Variants in USP32 observed in about 807,000 individuals in gnomAD.
The protein encoded by USP32 is ubiquitin carboxyl-terminal hydrolase 32.
Under a neutral mutation model 204.8 loss-of-function variants are expected in USP32, and 59 were observed. That is an observed-to-expected ratio of 0.29 (90% CI 0.23 to 0.36). USP32 has a LOEUF of 0.36. USP32 is among the 10% of genes least tolerant of loss of function. The pLI is 1.00. For missense variants in USP32, 1,160 were observed against 1,946.4 expected, an observed-to-expected ratio of 0.60 and a Z score of 7.60; for synonymous variants, 517 against 678.4, an observed-to-expected ratio of 0.76 and a Z score of 3.70.
At chr17:60,263,637 A>C (rs2086511001) in intron 9 of USP32, among the ~76,000 whole-genome samples, 3 of 152,212 alleles carry the variant, frequency 2.0e-5, no homozygotes, top group Admixed American at 1.3e-4. Flanking sequence ...CTTAGAAAAA[A>C]GGTGTTCAAA....
At chr17:60,317,507 C>T (rs1047544277) in intron 2 of USP32, among the ~76,000 whole-genome samples, 11 of 146,686 alleles carry the variant, frequency 7.5e-5, no homozygotes, top group African/African-American at 2.3e-4. Context: ...CAGAGTGAGA[C>T]CCTGTCTAAA....
In USP32 at chr17:60,201,271, T is replaced by C. The variant is rs528708051; in HGVS notation, c.3250-2827A>G. On this transcript the variant is annotated intron_variant, in intron 26 of 33. Transcript: ENST00000300896. Reference sequence around the variant, plus strand: ...ATTCCTGTATAATGTTCCATTATCTTAATATATCTCAGCTTCCCAATCCCT... The same window carrying C: ...ATTCCTGTATAATGTTCCATTATCTCAATATATCTCAGCTTCCCAATCCCT... Among the ~76,000 whole-genome samples the C allele has an allele frequency of 1.2e-3, 188 of 152,314 alleles. 1 individual carries two copies. Among genetic ancestry groups the C allele is most frequent in the African/African-American group, 4.5e-3 (185 of 41,572 alleles).
chr17:60,417,980 C>A (rs534593514), intron 1 of USP32, among the ~76,000 whole-genome samples: 1 of 124,388 alleles, frequency 8.0e-6, no homozygotes, highest in African/African-American at 3.6e-5. Context: ...TTTTTTGAGA[C>A]GGAGTTTCAC....
intron 11 of USP32, among the ~76,000 whole-genome samples, chr17:60,246,813 C>T (rs112269738): frequency 0.044 from 6,746 of 152,094 alleles, 536 homozygotes; most frequent in African/African-American, 0.15. Flanking sequence ...TTTCATATAT[C>T]TGCTGGCCAT....
At chr17:60,410,485 G>A (rs927811286) in intron 1 of USP32, among the ~76,000 whole-genome samples, 20 of 152,078 alleles carry the variant, frequency 1.3e-4, no homozygotes, top group African/African-American at 3.9e-4. Context: ...TGGCTAACAC[G>A]GTGAAACCCT....
At chr17:60,276,305 G>C (rs984223665) in intron 5 of USP32, among the ~76,000 whole-genome samples, 2 of 152,062 alleles carry the variant, frequency 1.3e-5, no homozygotes, top group Non-Finnish European at 2.9e-5. Context: ...CAAATATCCA[G>C]ATAACTGAAT....
At position 60,271,495 on chromosome 17, in the gene USP32, C is replaced by A. The variant is rs925512915; in HGVS notation, c.572-14G>T. ...CTGATTCCTCCACTAAGGGTCAAAT[C>A]AAAAAAGATTATAAAACCTCAGAAT... On this transcript the variant is annotated splice_polypyrimidine_tract_variant and intron_variant, in intron 5 of 33. Coordinates refer to ENST00000300896, the MANE Select transcript of USP32 (RefSeq NM_032582.4). 6 of 1,608,474 alleles carry A rather than the reference C, an allele frequency of 3.7e-6. No individual in the cohort carries two copies. The African/African-American group carries it at 6.7e-5, about 18-fold the overall frequency.
intron 3 of USP32, among the ~76,000 whole-genome samples, chr17:60,299,662 A>T (rs2087524602): frequency 6.6e-6 from 1 of 152,216 alleles, no homozygotes; most frequent in African/African-American, 2.4e-5. Context: ...AGCAAGAATT[A>T]AAAATAATGG....
intron 9 of USP32, 65 bp from the exon 10 acceptor site, chr17:60,255,323 A>C: frequency 8.2e-7 from 1 of 1,214,476 alleles, no homozygotes; most frequent in Non-Finnish European, 1.1e-6. Context: ...TTTGAGACGG[A>C]GTCTCATACT....
intron 11 of USP32, among the ~76,000 whole-genome samples, chr17:60,251,376 G>A (rs2086163615): frequency 6.6e-6 from 1 of 152,134 alleles, no homozygotes; most frequent in African/African-American, 2.4e-5. Context: ...TAATTGGCAT[G>A]TCCTGTTTAA....
intron 6 of USP32, among the ~76,000 whole-genome samples, chr17:60,271,067 C>T (rs937990711): frequency 1.3e-5 from 2 of 152,128 alleles, no homozygotes; most frequent in African/African-American, 4.8e-5. Context: ...TACTAATGCA[C>T]CTTACTGGAA....
intron 1 of USP32, among the ~76,000 whole-genome samples, chr17:60,405,078 T>C (rs980349267): frequency 6.6e-6 from 1 of 152,110 alleles, no homozygotes; most frequent in African/African-American, 2.4e-5. Flanking sequence ...AGCACAAGAA[T>C]TGCCTGAACC....
chr17:60,199,684 C>T (rs2084623649), intron 26 of USP32, among the ~76,000 whole-genome samples: 1 of 152,180 alleles, frequency 6.6e-6, no homozygotes, highest in Admixed American at 6.5e-5. Context: ...AGCTTAAATA[C>T]ATAATTTTAA....
At chr17:60,335,355 T>C (rs1259001598) in intron 2 of USP32, among the ~76,000 whole-genome samples, 3 of 142,332 alleles carry the variant, frequency 2.1e-5, no homozygotes, top group Admixed American at 2.0e-4. Flanking sequence ...TTCCTACACA[T>C]AAAATCTTTC....
chr17:60,375,043 T>A (rs2089513017), intron 1 of USP32, among the ~76,000 whole-genome samples: 2 of 152,232 alleles, frequency 1.3e-5, no homozygotes, highest in Admixed American at 1.3e-4. Flanking sequence ...AGATCATTAG[T>A]GAAATTTTCT....
At position 60,205,552 on chromosome 17, in the gene USP32, T is replaced by C. The variant is rs529912350; in HGVS notation, c.3144A>G (p.Pro1048=). ...TTGTGAAGTTCTTCTCAGTTCCACATGGCACAACAGTGTTTGGCATTCCAT... is the reference window on the plus strand; with the variant it reads ...TTGTGAAGTTCTTCTCAGTTCCACACGGCACAACAGTGTTTGGCATTCCAT... ...IPNGMPNTVV[P]CGTEKNFTNG... Residue 1048 remains proline (P), a synonymous_variant, in exon 26 of 34, where the codon CCA becomes CCG. Transcript: ENST00000300896. 4 of 1,614,002 alleles carry C rather than the reference T, an allele frequency of 2.5e-6. No homozygotes were observed. The Admixed American group carries it at 5.0e-5, about 20-fold the overall frequency.
intron 1 of USP32, among the ~76,000 whole-genome samples, chr17:60,400,849 A>G (rs2089929650): frequency 6.6e-6 from 1 of 152,052 alleles, no homozygotes; most frequent in Non-Finnish European, 1.5e-5. Context: ...TGGTAGACCT[A>G]GTCTCTACAA....
chr17:60,216,835 C>T (rs1396748342), intron 16 of USP32, among the ~76,000 whole-genome samples: 1 of 152,120 alleles, frequency 6.6e-6, no homozygotes, highest in African/African-American at 2.4e-5. Flanking sequence ...TTACAATCAG[C>T]AAGCAAAGGA....
At chr17:60,269,404 C>T (rs1040142379) in intron 7 of USP32, 46 bp downstream of exon 7, 3 of 1,401,634 alleles carry the variant, frequency 2.1e-6, no homozygotes, top group Non-Finnish European at 3.0e-6. Context: ...AACTGATTTT[C>T]TCTCTACATA....
Sources: allele counts gnomAD v4.1 joint callset (sites outside exome capture counted in the v4.1 genomes callset), GRCh38; gene constraint gnomAD v4.1.1; transcripts MANE v1.5; gene names NCBI Gene and HGNC (gene_info 2026-07-23, HGNC 2026-07-21).